PDE7B: variants seen among roughly 807,000 people sequenced by gnomAD.
PDE7B encodes 3',5'-cyclic-AMP phosphodiesterase 7B.
PDE7B carries 29 observed loss-of-function variants against 56.2 expected under a neutral mutation model. That is an observed-to-expected ratio of 0.52 (90% confidence interval 0.38 to 0.70). The LOEUF (loss-of-function observed/expected upper bound fraction) is 0.70, where lower values mean the gene tolerates loss of function less well. Among genes scored for constraint, PDE7B ranks in the 30% least tolerant of loss-of-function variants. The pLI, the probability that PDE7B is intolerant of heterozygous loss-of-function variation, is 0.00. For missense variants in PDE7B, 490 were observed against 565.0 expected (o/e 0.87, Z 1.35); for synonymous variants, 197 against 196.9 (o/e 1.00, Z 0.00).
intron 2 of PDE7B, among the ~76,000 whole-genome samples, chr6:135,998,828 ACT>A (rs1775614936): frequency 6.6e-6 from 1 of 151,852 alleles, no homozygotes; most frequent in Non-Finnish European, 1.5e-5. Flanking sequence ...TACAATTTTC[ACT>A]CTTTTTCCAT....
chr6:135,922,335 G>A (rs1435603267), intron 1 of PDE7B, among the ~76,000 whole-genome samples: 2 of 152,176 alleles, frequency 1.3e-5, no homozygotes. Context: ...AAACTCTGTA[G>A]TTTTCTTGGC....
chr6:135,957,135 T>C (rs746384771), intron 2 of PDE7B, among the ~76,000 whole-genome samples: 6 of 152,072 alleles, frequency 3.9e-5, no homozygotes, highest in Non-Finnish European at 8.8e-5. Context: ...AGCATGGAGA[T>C]AGAGACAGGT....
chr6:135,861,013 T>C (rs2128184568), intron 1 of PDE7B, among the ~76,000 whole-genome samples: 1 of 152,070 alleles, frequency 6.6e-6, no homozygotes. Flanking sequence ...CATTCTTTCA[T>C]GCAGTGTTAT....
chr6:136,102,306 C>CA (rs1215494975), intron 2 of PDE7B, among the ~76,000 whole-genome samples: 1 of 152,128 alleles, frequency 6.6e-6, no homozygotes, highest in Non-Finnish European at 1.5e-5. Context: ...ACAGAATATC[C>CA]ATCGGAAGAA....
intron 2 of PDE7B, among the ~76,000 whole-genome samples, chr6:136,071,548 A>G (rs1329657488): frequency 6.6e-6 from 1 of 152,248 alleles, no homozygotes; most frequent in African/African-American, 2.4e-5. Context: ...CAACAGAGAG[A>G]TAGTTCATTT....
At chr6:136,073,732 C>A (rs1436114005) in intron 2 of PDE7B, among the ~76,000 whole-genome samples, 1 of 152,082 alleles carries the variant, frequency 6.6e-6, no homozygotes, top group Non-Finnish European at 1.5e-5. Flanking sequence ...ACACTCTAGC[C>A]CATAACAGCA....
intron 8 of PDE7B, among the ~76,000 whole-genome samples, chr6:136,167,913 T>C (rs1778821144): frequency 6.6e-6 from 1 of 151,970 alleles, no homozygotes; most frequent in Non-Finnish European, 1.5e-5. Flanking sequence ...TGGGACTGAG[T>C]TTAATAGGAC....
intron 2 of PDE7B, among the ~76,000 whole-genome samples, chr6:136,001,192 C>T (rs917126950): frequency 6.6e-5 from 10 of 152,176 alleles, no homozygotes; most frequent in Non-Finnish European, 1.3e-4. Context: ...CACCAAAAAC[C>T]CATCTGTACA....
chr6:135,889,695 C>T (rs1293474372), intron 1 of PDE7B, among the ~76,000 whole-genome samples: 1 of 147,350 alleles, frequency 6.8e-6, no homozygotes, highest in Admixed American at 6.8e-5. Context: ...CCCACCTCAG[C>T]CTCCCAAAGT....
intron 2 of PDE7B, among the ~76,000 whole-genome samples, chr6:136,084,417 T>G: frequency 6.6e-6 from 1 of 152,028 alleles, no homozygotes; most frequent in East Asian, 1.9e-4. Flanking sequence ...GAATAGAATC[T>G]CTAGAAAGGG....
intron 2 of PDE7B, chr6:136,038,059 A>C: frequency 7.5e-7 from 1 of 1,336,908 alleles, no homozygotes; most frequent in Non-Finnish European, 9.9e-7. Context: ...TCTCGTCGGC[A>C]GTGTTTGTGG....
At chr6:136,185,343 C>G (rs548543820) in intron 11 of PDE7B, among the ~76,000 whole-genome samples, 1 of 152,262 alleles carries the variant, frequency 6.6e-6, no homozygotes, top group South Asian at 2.1e-4. Context: ...CCAGGCTCCC[C>G]ACTTTACTAG....
At chr6:135,978,046 T>C (rs1173812743) in intron 2 of PDE7B, among the ~76,000 whole-genome samples, 1 of 152,150 alleles carries the variant, frequency 6.6e-6, no homozygotes, top group East Asian at 1.9e-4. Flanking sequence ...CACTTAACTG[T>C]GCGGATACAT....
intron 2 of PDE7B, among the ~76,000 whole-genome samples, chr6:136,105,194 C>T (rs534905760): frequency 6.6e-6 from 1 of 152,278 alleles, no homozygotes; most frequent in Non-Finnish European, 1.5e-5. Context: ...TTGATTGAAC[C>T]GTGAACTCAT....
intron 3 of PDE7B, among the ~76,000 whole-genome samples, chr6:136,116,521 ATT>A (rs1777833828): frequency 1.3e-5 from 2 of 152,210 alleles, no homozygotes; most frequent in Non-Finnish European, 2.9e-5. Flanking sequence ...AAATCCACAG[ATT>A]TCATATAAAA....
chr6:136,066,978 C>T (rs575547180), intron 2 of PDE7B, among the ~76,000 whole-genome samples: 7 of 152,084 alleles, frequency 4.6e-5, no homozygotes, highest in African/African-American at 1.7e-4. Flanking sequence ...ATCTCAGCCT[C>T]CCAAGTAGAT....
intron 1 of PDE7B, among the ~76,000 whole-genome samples, chr6:135,897,007 A>T (rs1193214999): frequency 6.6e-6 from 1 of 152,146 alleles, no homozygotes; most frequent in Non-Finnish European, 1.5e-5. Context: ...TCCTCAAGAA[A>T]GACTCTCTGA....
intron 1 of PDE7B, among the ~76,000 whole-genome samples, chr6:135,871,525 A>G (rs995591477): frequency 2.0e-5 from 3 of 152,160 alleles, no homozygotes; most frequent in African/African-American, 7.2e-5. Flanking sequence ...GTGGGGTGGG[A>G]GGAGCTAGGG....
intron 2 of PDE7B, among the ~76,000 whole-genome samples, chr6:135,967,064 G>A (rs1432426697): frequency 2.0e-5 from 3 of 152,096 alleles, no homozygotes; most frequent in Non-Finnish European, 4.4e-5. Context: ...GGATATTCAG[G>A]TACACACATC....
Sources: allele counts gnomAD v4.1 joint callset (sites outside exome capture counted in the v4.1 genomes callset), GRCh38; gene constraint gnomAD v4.1.1; transcripts MANE v1.5; gene names NCBI Gene and HGNC (gene_info 2026-07-23, HGNC 2026-07-21).